Variants in AUTS2 observed in about 807,000 individuals in gnomAD.
AUTS2 encodes activator of transcription and developmental regulator AUTS2.
A neutral mutation model predicts 112.4 loss-of-function variants in AUTS2; 17 were observed. The observed-to-expected ratio is 0.15, with a 90% CI of 0.10 to 0.23. AUTS2 has a LOEUF of 0.23. Among genes scored for constraint, AUTS2 ranks in the 10% least tolerant of loss-of-function variants. The pLI, the probability that AUTS2 is intolerant of heterozygous loss-of-function variation, is 1.00. For synonymous variants in AUTS2, 751 were observed against 702.7 expected (o/e 1.07, Z -1.09); for missense variants, 1,510 against 1,701.6 (o/e 0.89, Z 1.98).
intron 4 of AUTS2, among the ~76,000 whole-genome samples, chr7:70,346,089 G>T (rs1791484176): frequency 1.3e-5 from 2 of 151,966 alleles, no homozygotes; most frequent in Non-Finnish European, 2.9e-5. Context: ...CATGCAAATT[G>T]ATCTGCTTTT....
At chr7:70,123,376 G>A (rs886313062) in intron 3 of AUTS2, among the ~76,000 whole-genome samples, 2 of 152,224 alleles carry the variant, frequency 1.3e-5, no homozygotes, top group Non-Finnish European at 2.9e-5. Context: ...TCATGTCACA[G>A]AGGTTTGTTG....
intron 5 of AUTS2, among the ~76,000 whole-genome samples, chr7:70,502,120 C>T (rs760385350): frequency 1.3e-5 from 2 of 152,160 alleles, no homozygotes; most frequent in Non-Finnish European, 2.9e-5. Context: ...GAAGCACCTC[C>T]GTGACTTTCC....
At chr7:70,672,746 G>C (rs1322891089) in intron 5 of AUTS2, among the ~76,000 whole-genome samples, 1 of 152,064 alleles carries the variant, frequency 6.6e-6, no homozygotes, top group Non-Finnish European at 1.5e-5. Flanking sequence ...GGAACTACAG[G>C]TGCCCGCCAC....
chr7:70,766,623 G>C lies in AUTS2; in HGVS notation c.1689+289G>C, dbSNP rs1789965610. Among the ~76,000 whole-genome samples the C allele has an allele frequency of 6.6e-6, 1 of 152,204 alleles. No individual in the cohort carries two copies. The highest frequency in any genetic ancestry group is 1.5e-5 in the Non-Finnish European group (1 of 68,036). Reference sequence around the variant, plus strand: ...AGTGTTGATGGCTAACTTCTTAAAGGGTTGTTTAGTTTTCTTGAACTTCCC... The same window carrying C: ...AGTGTTGATGGCTAACTTCTTAAAGCGTTGTTTAGTTTTCTTGAACTTCCC... On this transcript the variant is annotated intron_variant, in intron 9 of 18. Transcript: ENST00000342771. This position sits in a 1 kb window ranked among gnomAD's most constrained non-coding sequence, Gnocchi z 4.8.
rs185229858 is a variant in AUTS2, at chr7:69,898,584, C to G, written c.310-702C>G. ...AGGTCATGTGGCCTGAAATGCTTAC[C>G]TGTAGTTTCTACAGATGCAGTTCCC... On this transcript the variant is annotated intron_variant, in intron 1 of 18. Transcript: ENST00000342771. 1.5e-3 allele frequency among the ~76,000 whole-genome samples: 221 copies of G among 152,278 alleles called. 3 individuals carry two copies. The highest frequency in any genetic ancestry group is 2.6e-4 in the Non-Finnish European group (18 of 68,014).
chr7:69,978,859 A>AAC (rs71068004), intron 2 of AUTS2, among the ~76,000 whole-genome samples: 14,992 of 129,478 alleles, frequency 0.12, 976 homozygotes, highest in Non-Finnish European at 0.14. Flanking sequence ...TCAAAGAAAC[A>AAC]ACACACACAC....
intron 1 of AUTS2, among the ~76,000 whole-genome samples, chr7:69,731,435 A>T (rs1418591736): frequency 6.6e-6 from 1 of 152,188 alleles, no homozygotes. Context: ...TAAAATGGGG[A>T]TAATATTGAT....
At chr7:70,568,886 C>G (rs929931412) in intron 5 of AUTS2, among the ~76,000 whole-genome samples, 6 of 152,224 alleles carry the variant, frequency 3.9e-5, no homozygotes, top group African/African-American at 1.4e-4. Flanking sequence ...GGGTTACTTT[C>G]TGTGGCTGTT....
chr7:70,407,707 C>T (rs1479583118), intron 4 of AUTS2, among the ~76,000 whole-genome samples: 3 of 151,916 alleles, frequency 2.0e-5, no homozygotes, highest in Admixed American at 2.0e-4. Flanking sequence ...TTGCTTGAGC[C>T]CAGGAGTTCA....
chr7:69,871,505 C>T (rs1793495057), intron 1 of AUTS2, among the ~76,000 whole-genome samples: 2 of 152,074 alleles, frequency 1.3e-5, no homozygotes, highest in Non-Finnish European at 2.9e-5. Context: ...TAATTAGGGA[C>T]AGTAAGAGAG....
chr7:70,488,035 C>G (rs562863249), intron 5 of AUTS2, among the ~76,000 whole-genome samples: 3 of 152,276 alleles, frequency 2.0e-5, no homozygotes, highest in African/African-American at 7.2e-5. Flanking sequence ...AGAACGGAGC[C>G]GAGTCCAGAA....
chr7:70,723,016 A>C (rs959976906), intron 6 of AUTS2, among the ~76,000 whole-genome samples: 1 of 152,216 alleles, frequency 6.6e-6, no homozygotes, highest in African/African-American at 2.4e-5. Context: ...GATTAAAACC[A>C]GTAATTTGGT....
intron 1 of AUTS2, among the ~76,000 whole-genome samples, chr7:69,718,080 G>A (rs1490398424): frequency 6.6e-6 from 1 of 152,134 alleles, no homozygotes; most frequent in Non-Finnish European, 1.5e-5. Context: ...CGTTTATGTT[G>A]TTGGTTTGGA....
At chr7:70,635,750 C>G (rs1194294924) in intron 5 of AUTS2, among the ~76,000 whole-genome samples, 1 of 152,086 alleles carries the variant, frequency 6.6e-6, no homozygotes, top group East Asian at 1.9e-4. Context: ...TTTTCATTTC[C>G]CTGCTTAACA....
intron 5 of AUTS2, among the ~76,000 whole-genome samples, chr7:70,553,329 A>G (rs1801092579): frequency 6.6e-6 from 1 of 152,192 alleles, no homozygotes; most frequent in Non-Finnish European, 1.5e-5. Flanking sequence ...ACAGTTTTTT[A>G]GAAATCTTAC....
chr7:70,468,221 A>C (rs952236351), intron 5 of AUTS2, among the ~76,000 whole-genome samples: 6 of 152,188 alleles, frequency 3.9e-5, no homozygotes, highest in African/African-American at 1.4e-4. Flanking sequence ...GCTCACAGAA[A>C]TCCTAAGGAT....
chr7:70,514,797 G>C (rs1453688123), intron 5 of AUTS2, among the ~76,000 whole-genome samples: 1 of 152,272 alleles, frequency 6.6e-6, no homozygotes, highest in South Asian at 2.1e-4. Context: ...ACCATATCTT[G>C]CTGAACATTG....
At chr7:70,448,272 G>C (rs1185598531) in intron 5 of AUTS2, among the ~76,000 whole-genome samples, 1 of 152,094 alleles carries the variant, frequency 6.6e-6, no homozygotes, top group East Asian at 1.9e-4. Flanking sequence ...ACCATCACCT[G>C]TGTACATGAT....
At chr7:70,001,732 G>C (rs1360072938) in intron 2 of AUTS2, among the ~76,000 whole-genome samples, 1 of 132,926 alleles carries the variant, frequency 7.5e-6, no homozygotes, top group Non-Finnish European at 1.6e-5. Flanking sequence ...TTTTTTTTGA[G>C]ACTGAGTTTC....
Sources: gnomAD v4.1 joint callset for allele counts (sites outside exome capture counted in the v4.1 genomes callset) on GRCh38, gnomAD v4.1.1 for gene constraint, Gnocchi (gnomAD v3.1) non-coding constraint, MANE v1.5 for transcripts, NCBI Gene and HGNC (gene_info 2026-07-23, HGNC 2026-07-21) for gene names.